The following TLN2 variants were observed in gnomAD, a reference collection of about 807,000 sequenced individuals.
The protein encoded by TLN2 is talin-2.
In TLN2, 118 loss-of-function variants were observed where a neutral mutation model predicts 294.7. That is an observed-to-expected ratio of 0.40 (90% CI 0.34 to 0.47). The LOEUF is 0.47. TLN2 is among the 20% of genes least tolerant of loss of function. The probability of loss-of-function intolerance (pLI) is 0.84; values close to 1 mark genes in which losing one functional copy is unlikely to be tolerated. For synonymous variants in TLN2, 1,431 were observed against 1,304.5 expected (o/e 1.10, Z -2.09); for missense variants, 3,083 against 3,282.2 (o/e 0.94, Z 1.48).
At position 62,474,875 on chromosome 15, in the gene TLN2, A is replaced by ATCTGCATCTCAC. The variant is rs527922200; in HGVS notation, c.-238+84194_-238+84205dup. Among the ~76,000 whole-genome samples, 150 of 152,254 alleles carry ATCTGCATCTCAC rather than the reference A, an allele frequency of 9.9e-4. 1 individual carries two copies. Among genetic ancestry groups the ATCTGCATCTCAC allele is most frequent in the Non-Finnish European group, 1.7e-3 (115 of 68,018 alleles). ...TTGCAGCCTTTGACTGTTCTCTGAA[A>ATCTGCATCTCAC]TCTGCATCTCACTCTCTTGACCCAG... On this transcript the variant is annotated intron_variant, in intron 1 of 58. Coordinates refer to ENST00000636159, the MANE Select transcript of TLN2 (RefSeq NM_015059.3).
At chr15:62,429,534 G>C (rs1450278903) in intron 1 of TLN2, among the ~76,000 whole-genome samples, 1 of 152,080 alleles carries the variant, frequency 6.6e-6, no homozygotes, top group Non-Finnish European at 1.5e-5. Flanking sequence ...TTGTAGTTTA[G>C]CAGGGAACTT....
At chr15:62,795,953 G>GGGCC (rs2141129565) in intron 46 of TLN2, among the ~76,000 whole-genome samples, 174 bp from the exon 47 acceptor site, 1 of 152,332 alleles carries the variant, frequency 6.6e-6, no homozygotes, top group African/African-American at 2.4e-5. Flanking sequence ...TAAGGTCACA[G>GGGCC]GGCCTGTAAA....
chr15:62,429,130 T>TGGGGGGGGGGG (rs201052996), intron 1 of TLN2, among the ~76,000 whole-genome samples: 170 of 74,162 alleles, frequency 2.3e-3, no homozygotes, highest in Non-Finnish European at 3.1e-3. Flanking sequence ...TTGGCGGGGG[T>TGGGGGGGGGGG]TGGGGGGGTA....
intron 3 of TLN2, among the ~76,000 whole-genome samples, chr15:62,632,436 T>A (rs2049990058): frequency 1.3e-5 from 2 of 152,176 alleles, no homozygotes; most frequent in Admixed American, 1.3e-4. Context: ...TGACCTAGGC[T>A]CTTATTCCAG....
At chr15:62,770,812 G>A in intron 41 of TLN2, 152 bp from the exon 42 acceptor site, 4 of 875,862 alleles carry the variant, frequency 4.6e-6, no homozygotes, top group Non-Finnish European at 6.6e-6. Flanking sequence ...CCATTAATTA[G>A]CAAGCACTTT....
At chr15:62,688,318 GTCTT>G (rs2057466839) in intron 12 of TLN2, among the ~76,000 whole-genome samples, 2 of 152,046 alleles carry the variant, frequency 1.3e-5, no homozygotes, top group Admixed American at 1.3e-4. Flanking sequence ...TTTTTCTGCT[GTCTT>G]TCTACTATTG....
intron 1 of TLN2, among the ~76,000 whole-genome samples, chr15:62,530,975 T>C (rs7177753): frequency 0.11 from 16,425 of 152,160 alleles, 2,142 homozygotes; most frequent in African/African-American, 0.32. Flanking sequence ...TAAGTTAGTC[T>C]ATTGTTTTAG....
intron 1 of TLN2, among the ~76,000 whole-genome samples, chr15:62,545,213 C>T (rs1371262136): frequency 6.6e-6 from 1 of 152,042 alleles, no homozygotes; most frequent in Non-Finnish European, 1.5e-5. Context: ...GCTGGGATTA[C>T]AGGCGTGAGC....
At position 62,691,607 on chromosome 15, in the gene TLN2, A is replaced by G. The variant is rs528162754; in HGVS notation, c.1114-1233A>G. Among the ~76,000 whole-genome samples the G allele has an allele frequency of 1.1e-4, 17 of 152,316 alleles. 1 individual carries two copies. In the East Asian group the frequency reaches 3.3e-3, roughly 29 times the overall value. On this transcript the variant is annotated intron_variant, in intron 12 of 58. Transcript: ENST00000636159. ...TGTTGGCATGAGTTGATGATCTGTCATTCATATTGTGGGTGTCCTGGCTCT... is the reference window on the plus strand; with the variant it reads ...TGTTGGCATGAGTTGATGATCTGTCGTTCATATTGTGGGTGTCCTGGCTCT...
At chr15:62,714,705 T>A (rs886999774) in intron 22 of TLN2, among the ~76,000 whole-genome samples, 1 of 152,228 alleles carries the variant, frequency 6.6e-6, no homozygotes, top group Non-Finnish European at 1.5e-5. Context: ...TTGCTGAATT[T>A]TGTTGAAAGC....
chr15:62,491,424 C>T (rs929225218), intron 1 of TLN2, among the ~76,000 whole-genome samples: 3 of 150,646 alleles, frequency 2.0e-5, no homozygotes, highest in Admixed American at 6.6e-5. Context: ...TTGGTACCTT[C>T]TGGAAAGGTG....
At chr15:62,437,277 G>A (rs1325514156) in intron 1 of TLN2, among the ~76,000 whole-genome samples, 1 of 152,192 alleles carries the variant, frequency 6.6e-6, no homozygotes, top group African/African-American at 2.4e-5. Flanking sequence ...ATCAATAGCA[G>A]TGTATTAGGA....
intron 46 of TLN2, among the ~76,000 whole-genome samples, chr15:62,793,663 T>C (rs970519876): frequency 2.0e-5 from 3 of 152,080 alleles, no homozygotes; most frequent in African/African-American, 7.2e-5. Context: ...GCTCTTCTAT[T>C]CTCCCCCAGT....
intron 1 of TLN2, among the ~76,000 whole-genome samples, chr15:62,562,951 CA>C (rs2043093700): frequency 1.4e-5 from 2 of 144,476 alleles, no homozygotes; most frequent in Admixed American, 7.1e-5. Context: ...CACACACACA[CA>C]CACACACACA....
intron 1 of TLN2, among the ~76,000 whole-genome samples, chr15:62,484,422 T>C (rs2038272466): frequency 6.6e-6 from 1 of 151,936 alleles, no homozygotes; most frequent in Non-Finnish European, 1.5e-5. Context: ...CCAAGGACCA[T>C]GGTTTTTTTT....
intron 1 of TLN2, among the ~76,000 whole-genome samples, chr15:62,576,345 T>C (rs978296460): frequency 6.6e-6 from 1 of 152,138 alleles, no homozygotes; most frequent in African/African-American, 2.4e-5. Flanking sequence ...GTAACATGTT[T>C]ATGCATTTGT....
At chr15:62,682,070 GA>G (rs1192286193) in intron 11 of TLN2, among the ~76,000 whole-genome samples, 1 of 152,114 alleles carries the variant, frequency 6.6e-6, no homozygotes, top group East Asian at 1.9e-4. Context: ...AATTTTAGAT[GA>G]TCCCAGTCAC....
chr15:62,683,138 C>G (rs2141031904), intron 11 of TLN2: 1 of 152,418 alleles, frequency 6.6e-6, no homozygotes, highest in Admixed American at 6.5e-5. Context: ...CTCTAGTGAG[C>G]TCAGCTGGAT....
At chr15:62,625,876 A>AGGAC (rs937533601) in intron 3 of TLN2, among the ~76,000 whole-genome samples, 1 of 152,090 alleles carries the variant, frequency 6.6e-6, no homozygotes, top group African/African-American at 2.4e-5. Flanking sequence ...TGCTGAAGGA[A>AGGAC]GGACTGTAGG....
Sources: gnomAD v4.1 joint callset for allele counts (sites outside exome capture counted in the v4.1 genomes callset) on GRCh38, gnomAD v4.1.1 for gene constraint, MANE v1.5 for transcripts, NCBI Gene and HGNC (gene_info 2026-07-23, HGNC 2026-07-21) for gene names.